Variants in ATXN10 observed in about 807,000 individuals in gnomAD.
The protein encoded by ATXN10 is ataxin-10.
ATXN10 carries 28 observed loss-of-function variants against 52.9 expected under a neutral mutation model. The ratio of observed to expected loss-of-function variants is 0.53; its 90% CI spans 0.39 to 0.73. ATXN10 has a LOEUF of 0.73. Ranked by LOEUF, ATXN10 falls within the 30% of genes least tolerant of loss-of-function variation. The pLI is 0.00. For synonymous variants in ATXN10, 226 were observed against 221.5 expected (o/e 1.02, Z -0.18); for missense variants, 565 against 577.0 (o/e 0.98, Z 0.21).
chr22:45,717,991 A>G (rs1216342297), intron 5 of ATXN10, among the ~76,000 whole-genome samples: 1 of 152,166 alleles, frequency 6.6e-6, no homozygotes, highest in Non-Finnish European at 1.5e-5. Context: ...AGAGTGAATA[A>G]TCAAGCCAGT....
rs977058968 is a variant in ATXN10 at position 45,671,919 on chromosome 22, C to T, written c.-145C>T. On this transcript the variant is annotated 5_prime_UTR_variant, in exon 1 of 12. Coordinates refer to ENST00000252934, the MANE Select transcript of ATXN10 (RefSeq NM_013236.4). ...CGCAGCTTCAGGGCAGCGCGGGCTG[C>T]AGCGGCGGCGGCGGTTAGGGCTGTG... 2.5e-4 allele frequency: 221 copies of T among 873,904 alleles called. 1 individual carries two copies. The highest frequency in any genetic ancestry group is 8.7e-4 in the Middle Eastern group (3 of 3,458). 54.1% of individuals were successfully genotyped at this position (873,904 alleles called of 1,614,324 possible).
intron 9 of ATXN10, among the ~76,000 whole-genome samples, chr22:45,771,221 A>G (rs1337882640): frequency 6.6e-6 from 1 of 152,220 alleles, no homozygotes; most frequent in Non-Finnish European, 1.5e-5. Flanking sequence ...TTAAATGCAT[A>G]AACAATGGTA....
chr22:45,675,074 T>G (rs1172366210), intron 1 of ATXN10: 4 of 152,244 alleles, frequency 2.6e-5, no homozygotes, highest in Non-Finnish European at 5.9e-5. Flanking sequence ...ATGTGTAGCA[T>G]AGTGGTTTAT....
chr22:45,694,833 T>A (rs1176602564), intron 3 of ATXN10, among the ~76,000 whole-genome samples: 1 of 146,888 alleles, frequency 6.8e-6, no homozygotes, highest in African/African-American at 2.5e-5. Context: ...TCGCAGCTAC[T>A]TGGAGGCTGA....
intron 10 of ATXN10, among the ~76,000 whole-genome samples, chr22:45,812,635 T>C (rs898312272): frequency 6.6e-6 from 1 of 152,226 alleles, no homozygotes; most frequent in African/African-American, 2.4e-5. Context: ...TTGAATTTAA[T>C]TTTAGTATTT....
intron 10 of ATXN10, among the ~76,000 whole-genome samples, chr22:45,834,564 G>A (rs144335427): frequency 3.9e-5 from 6 of 152,264 alleles, no homozygotes; most frequent in South Asian, 4.1e-4. Flanking sequence ...ACATTGTATC[G>A]TGGCTGTGTA....
rs1159857901 is a variant in ATXN10, at chr22:45,708,777, C to CT, written c.647+5931dup. ...ATCTCAGCCCCCTGAGTAGCCAGGACTACAGGCGTGCGCCACCACGCCTGG... is the reference window on the plus strand; with the variant it reads ...ATCTCAGCCCCCTGAGTAGCCAGGACTTACAGGCGTGCGCCACCACGCCTGG... On this transcript the variant is annotated intron_variant, in intron 5 of 11. Transcript: ENST00000252934. This position sits in a 1 kb window ranked among gnomAD's most constrained non-coding sequence, Gnocchi z 5.3. Among the ~76,000 whole-genome samples the CT allele has an allele frequency of 6.6e-6, 1 of 152,110 alleles. No homozygotes were observed. The highest frequency in any genetic ancestry group is 1.5e-5 in the Non-Finnish European group (1 of 68,016).
intron 9 of ATXN10, among the ~76,000 whole-genome samples, chr22:45,748,672 C>T (rs979451248): frequency 6.6e-6 from 1 of 152,172 alleles, no homozygotes; most frequent in African/African-American, 2.4e-5. Flanking sequence ...TGTTTTTCCT[C>T]TTGTCAGAAG....
At chr22:45,773,590 C>G (rs1410565473) in intron 9 of ATXN10, among the ~76,000 whole-genome samples, 1 of 152,084 alleles carries the variant, frequency 6.6e-6, no homozygotes, top group African/African-American at 2.4e-5. Context: ...TCCTGAGTAA[C>G]TGGGATTACA....
chr22:45,752,911 T>G (rs1374829538), intron 9 of ATXN10, among the ~76,000 whole-genome samples: 2 of 151,996 alleles, frequency 1.3e-5, no homozygotes, highest in Non-Finnish European at 2.9e-5. Context: ...TTTTTGTATT[T>G]TTAGTAGAGG....
At chr22:45,810,834 A>T (rs1425726379) in intron 10 of ATXN10, among the ~76,000 whole-genome samples, 1 of 152,108 alleles carries the variant, frequency 6.6e-6, no homozygotes, top group East Asian at 1.9e-4. Flanking sequence ...TATCTTTTGG[A>T]GCTTGATTTC....
rs535092193 is a variant in ATXN10, at chr22:45,835,148, C to T, written c.1238-7843C>T. On this transcript the variant is annotated intron_variant, in intron 10 of 11. Transcript: ENST00000252934. The surrounding 1 kb of genome is among the most constrained non-coding windows in gnomAD (Gnocchi z 5.0). ...GGTACCTGTGAGCGCGGCCCTCCATCGGCCACAGAAGCTTTTGGAGTGGGC... is the reference window on the plus strand; with the variant it reads ...GGTACCTGTGAGCGCGGCCCTCCATTGGCCACAGAAGCTTTTGGAGTGGGC... 3.1e-4 allele frequency among the ~76,000 whole-genome samples: 47 copies of T among 152,334 alleles called. No homozygotes were observed. Among genetic ancestry groups the T allele is most frequent in the African/African-American group, 1.1e-3 (44 of 41,578 alleles).
At chr22:45,794,563 TG>T (rs2146869738) in intron 9 of ATXN10, among the ~76,000 whole-genome samples, 1 of 152,306 alleles carries the variant, frequency 6.6e-6, no homozygotes, top group East Asian at 1.9e-4. Context: ...TCTGTAGTGT[TG>T]TTGTTCTAAT....
In ATXN10 at chr22:45,842,998, C is replaced by A. The variant is rs371868142; in HGVS notation, c.1245C>A (p.Thr415=). Residue 415 remains threonine (T), a synonymous_variant, in exon 11 of 12, where the codon ACC becomes ACA. Transcript: ENST00000252934. The surrounding 1 kb of genome is among the most constrained non-coding windows in gnomAD (Gnocchi z 4.8). ...CNISDSNPFL[T]QWVIYAIRNL... The stretch of plus-strand genomic sequence containing the variant: ...CCTTCACTCTGGCTCCAGTTCTGAC[C>A]CAGTGGGTGATATATGCCATCCGAA... 6.2e-7 allele frequency: 1 copy of A among 1,614,056 alleles called. No homozygotes were observed.
At chr22:45,739,413 T>G (rs185993986) in intron 8 of ATXN10, among the ~76,000 whole-genome samples, 1 of 152,324 alleles carries the variant, frequency 6.6e-6, no homozygotes, top group Non-Finnish European at 1.5e-5. Flanking sequence ...TTATTTGCAA[T>G]TTTTTCCTTT....
Position 45,819,701 on chromosome 22 carries a change from A to G in ATXN10, c.1237+12679A>G, listed in dbSNP as rs1221475692. Among the ~76,000 whole-genome samples, 2 of 152,216 alleles carry G rather than the reference A, an allele frequency of 1.3e-5. No homozygotes were observed. The highest frequency in any genetic ancestry group is 1.5e-5 in the Non-Finnish European group (1 of 68,048). ...CTTGGCCTGTGGTCTGTGCTTGTAT[A>G]CATTATTATTATCATTTAATGTATG... On this transcript the variant is annotated intron_variant, in intron 10 of 11. Transcript: ENST00000252934. This position sits in a 1 kb window ranked among gnomAD's most constrained non-coding sequence, Gnocchi z 4.5.
chr22:45,695,382 T>TATA (rs1237161254), intron 3 of ATXN10, among the ~76,000 whole-genome samples: 1 of 151,968 alleles, frequency 6.6e-6, no homozygotes, highest in Non-Finnish European at 1.5e-5. Flanking sequence ...ATTCAATGAA[T>TATA]ATAACCTTTA....
In ATXN10 at chr22:45,842,806, G is replaced by C. The variant is rs931308120; in HGVS notation, c.1238-185G>C. 4.6e-5 allele frequency among the ~76,000 whole-genome samples: 7 copies of C among 152,168 alleles called. No homozygotes were observed. Among genetic ancestry groups the C allele is most frequent in the African/African-American group, 1.7e-4 (7 of 41,426 alleles). The stretch of plus-strand genomic sequence containing the variant: ...GCTGGATGTACATGTGCATATGCCT[G>C]CGTTGCCTCTTTTTAATGTGTTTGC... On this transcript the variant is annotated intron_variant, in intron 10 of 11. Transcript: ENST00000252934. The surrounding 1 kb of genome is among the most constrained non-coding windows in gnomAD (Gnocchi z 4.8).
In ATXN10 at chr22:45,783,899, T is replaced by C. The variant is rs374196921; in HGVS notation, c.1174-23060T>C. Among the ~76,000 whole-genome samples the C allele has an allele frequency of 5.9e-5, 9 of 152,306 alleles. No individual in the cohort carries two copies. In the East Asian group the frequency reaches 9.7e-4, roughly 16 times the overall value. ...CGAGGAAATGGTCAGACTTCTTTCC[T>C]GTAGGTCAAGGCTGGTGAGAGTTTG... On this transcript the variant is annotated intron_variant, in intron 9 of 11. Coordinates refer to ENST00000252934, the MANE Select transcript of ATXN10 (RefSeq NM_013236.4). The surrounding 1 kb of genome is among the most constrained non-coding windows in gnomAD (Gnocchi z 5.0).
Sources: gnomAD v4.1 joint callset for allele counts (sites outside exome capture counted in the v4.1 genomes callset) on GRCh38, gnomAD v4.1.1 for gene constraint, Gnocchi (gnomAD v3.1) non-coding constraint, MANE v1.5 for transcripts, NCBI Gene and HGNC (gene_info 2026-07-23, HGNC 2026-07-21) for gene names.